Variants in MMP26 observed in about 807,000 individuals in gnomAD.
MMP26 encodes the protein matrix metalloproteinase-26.
Under a neutral mutation model 31.0 loss-of-function variants are expected in MMP26, and 33 were observed. The observed-to-expected ratio is 1.06, with a 90% CI of 0.81 to 1.42. MMP26 has a LOEUF of 1.42. Ranked by LOEUF, MMP26 falls within the 40% of genes most tolerant of loss-of-function variation. The pLI, the probability that MMP26 is intolerant of heterozygous loss-of-function variation, is 0.00. For missense variants in MMP26, 347 were observed against 316.1 expected (o/e 1.10, Z -0.74); for synonymous variants, 122 against 114.9 (o/e 1.06, Z -0.40).
chr11:4,923,991 G>C, intron 2 of MMP26: 2 of 1,614,190 alleles, frequency 1.2e-6, no homozygotes, highest in Non-Finnish European at 1.7e-6. Context: ...ATGGATAACA[G>C]AACTGATGAC....
intron 2 of MMP26, chr11:4,924,455 G>C: frequency 9.5e-7 from 1 of 1,055,992 alleles, no homozygotes; most frequent in Non-Finnish European, 1.4e-6. Context: ...GGAAGCATCT[G>C]CAGATGGCAT....
At chr11:4,901,248 C>G (rs918275676) in intron 2 of MMP26, among the ~76,000 whole-genome samples, 1 of 149,622 alleles carries the variant, frequency 6.7e-6, no homozygotes, top group Non-Finnish European at 1.5e-5. Context: ...AAGCTCTGCC[C>G]CCCGGGGTTC....
chr11:4,746,831 TCA>T (rs3223670), intron 1 of MMP26, among the ~76,000 whole-genome samples: 15,172 of 136,936 alleles, frequency 0.11, 897 homozygotes, highest in African/African-American at 0.19. Context: ...TAAGTCTCTG[TCA>T]CACACACACA....
In MMP26 at chr11:4,842,063, T is replaced by C. The variant is rs994191505; in HGVS notation, c.-145+74722T>C. 9.2e-5 allele frequency among the ~76,000 whole-genome samples: 14 copies of C among 152,272 alleles called. No homozygotes were observed. The East Asian group carries it at 2.5e-3, about 27-fold the overall frequency. On this transcript the variant is annotated intron_variant, in intron 2 of 7. Coordinates refer to ENST00000380390, the MANE Select transcript of MMP26 (RefSeq NM_021801.5). ...ACACAATATTATAACACTATAACTG[T>C]GGTGTGTAAACTACTCTTATGCCAA...
At chr11:4,843,245 G>A (rs1849820738) in intron 2 of MMP26, among the ~76,000 whole-genome samples, 1 of 152,198 alleles carries the variant, frequency 6.6e-6, no homozygotes, top group Non-Finnish European at 1.5e-5. Context: ...ATTAGGCAGT[G>A]CCCCAGTGGG....
chr11:4,948,032 G>C (rs2133608687), intron 2 of MMP26, among the ~76,000 whole-genome samples: 1 of 124,610 alleles, frequency 8.0e-6, no homozygotes, highest in African/African-American at 2.7e-5. Flanking sequence ...TGTTATCCTA[G>C]ATTTTATTCC....
At chr11:4,897,106 A>C (rs1387311860) in intron 2 of MMP26, among the ~76,000 whole-genome samples, 1 of 147,138 alleles carries the variant, frequency 6.8e-6, no homozygotes, top group Non-Finnish European at 1.5e-5. Context: ...GTATACACAC[A>C]CACACACACA....
chr11:4,796,328 C>T (rs948567540), intron 2 of MMP26, among the ~76,000 whole-genome samples: 2 of 152,200 alleles, frequency 1.3e-5, no homozygotes, highest in African/African-American at 2.4e-5. Context: ...TTAGGGATAT[C>T]GTTTCTGATC....
intron 2 of MMP26, among the ~76,000 whole-genome samples, chr11:4,932,290 G>A (rs1335518056): frequency 6.6e-6 from 1 of 152,018 alleles, no homozygotes; most frequent in Non-Finnish European, 1.5e-5. Context: ...TCAAGAGATG[G>A]AACGTATTTC....
intron 1 of MMP26, among the ~76,000 whole-genome samples, chr11:4,741,065 T>A (rs551143842): frequency 6.6e-6 from 1 of 152,340 alleles, no homozygotes; most frequent in East Asian, 1.9e-4. Context: ...ATTTAAGTCT[T>A]TAATTCATCC....
chr11:4,886,630 G>GA (rs1488602021), intron 2 of MMP26, among the ~76,000 whole-genome samples: 6 of 146,490 alleles, frequency 4.1e-5, no homozygotes, highest in African/African-American at 1.5e-4. Context: ...CTCATCAAAA[G>GA]AAAAAAATAC....
chr11:4,885,611 C>A (rs1589929425), intron 2 of MMP26, among the ~76,000 whole-genome samples: 1 of 152,022 alleles, frequency 6.6e-6, no homozygotes, highest in Non-Finnish European at 1.5e-5. Context: ...ATATGATAGT[C>A]ACGCAATGAT....
At chr11:4,822,467 C>G in intron 2 of MMP26, 1 of 1,243,556 alleles carries the variant, frequency 8.0e-7, no homozygotes, top group South Asian at 2.9e-5. Context: ...ATGCCTCCAA[C>G]AGTCCAAACT....
At chr11:4,964,287 A>G (rs1248989792) in intron 2 of MMP26, among the ~76,000 whole-genome samples, 1 of 152,132 alleles carries the variant, frequency 6.6e-6, no homozygotes, top group Non-Finnish European at 1.5e-5. Flanking sequence ...TGATTTTTAT[A>G]TATGGTGTAA....
At position 4,762,814 on chromosome 11, in the gene MMP26, A is replaced by G. The variant is rs1234193865; in HGVS notation, c.-216-4456A>G. 1.3e-5 allele frequency among the ~76,000 whole-genome samples: 2 copies of G among 152,180 alleles called. 1 individual carries two copies. The highest frequency in any genetic ancestry group is 2.9e-5 in the Non-Finnish European group (2 of 68,014). ...CTTTGCCGAGAGTAAAGTTCCAAGA[A>G]CATTGTGTGTTATATAACCAGGAAA... is the stretch of plus-strand genomic sequence containing the variant. On this transcript the variant is annotated intron_variant, in intron 1 of 7. Transcript: ENST00000380390.
At chr11:4,860,134 C>T (rs1278555399) in intron 2 of MMP26, 2 of 470,996 alleles carry the variant, frequency 4.2e-6, no homozygotes, top group East Asian at 7.0e-5. Context: ...TCCAGTCTTT[C>T]GAATAACATC....
At chr11:4,768,343 T>C (rs1178930795) in intron 2 of MMP26, among the ~76,000 whole-genome samples, 1 of 152,248 alleles carries the variant, frequency 6.6e-6, no homozygotes, top group Non-Finnish European at 1.5e-5. Flanking sequence ...TATCTATTCC[T>C]ACCTTTTGTA....
chr11:4,804,692 C>A, intron 2 of MMP26: 1 of 422,970 alleles, frequency 2.4e-6, no homozygotes. Flanking sequence ...CACCTATAAT[C>A]CTAGCACTTT....
At chr11:4,705,778 A>G (rs1847767637) in intron 1 of MMP26, among the ~76,000 whole-genome samples, 1 of 152,126 alleles carries the variant, frequency 6.6e-6, no homozygotes, top group African/African-American at 2.4e-5. Flanking sequence ...TCACGAGGTC[A>G]GGAGATCGAG....
Sources: allele counts gnomAD v4.1 joint callset (sites outside exome capture counted in the v4.1 genomes callset), GRCh38; gene constraint gnomAD v4.1.1; transcripts MANE v1.5; gene names NCBI Gene and HGNC (gene_info 2026-07-23, HGNC 2026-07-21).